The following SLC22A3 variants were observed in gnomAD, a reference collection of about 807,000 sequenced individuals.
The protein encoded by SLC22A3 is solute carrier family 22 member 3.
SLC22A3 carries 51 observed loss-of-function variants against 59.1 expected under a neutral mutation model. That is an observed-to-expected ratio of 0.86 (90% CI 0.69 to 1.09). SLC22A3 has a LOEUF of 1.09. SLC22A3 is among the 50% of genes least tolerant of loss of function. The pLI, the probability that SLC22A3 is intolerant of heterozygous loss-of-function variation, is 0.00. For missense variants in SLC22A3, 711 were observed against 726.3 expected, an observed-to-expected ratio of 0.98 and a Z score of 0.24; for synonymous variants, 325 against 292.0, an observed-to-expected ratio of 1.11 and a Z score of -1.15.
intron 1 of SLC22A3, among the ~76,000 whole-genome samples, chr6:160,364,561 C>T (rs1423050206): frequency 1.3e-5 from 2 of 152,140 alleles, no homozygotes; most frequent in East Asian, 1.9e-4. Flanking sequence ...GGCACCAAAT[C>T]GTTTCTCAGT....
At chr6:160,361,984 G>T (rs1358727797) in intron 1 of SLC22A3, among the ~76,000 whole-genome samples, 1 of 152,152 alleles carries the variant, frequency 6.6e-6, no homozygotes, top group Non-Finnish European at 1.5e-5. Context: ...GTAACCTGTG[G>T]CATGTTACTG....
intron 1 of SLC22A3, among the ~76,000 whole-genome samples, chr6:160,355,187 A>T (rs979710222): frequency 6.6e-6 from 1 of 152,082 alleles, no homozygotes; most frequent in Non-Finnish European, 1.5e-5. Flanking sequence ...GGCTGCTCTG[A>T]CTCATACAGC....
At chr6:160,430,934 G>C (rs571178996) in intron 5 of SLC22A3, among the ~76,000 whole-genome samples, 163 of 152,264 alleles carry the variant, frequency 1.1e-3, no homozygotes, top group Non-Finnish European at 1.7e-3. Context: ...AGCCCAGAGT[G>C]GGGGGAGGGG....
chr6:160,425,498 C>T (rs1156276537), intron 5 of SLC22A3, among the ~76,000 whole-genome samples: 1 of 152,150 alleles, frequency 6.6e-6, no homozygotes, highest in East Asian at 1.9e-4. Flanking sequence ...CTCTAATCCT[C>T]TATAATTGCT....
At chr6:160,416,930 C>T (rs1205170736) in intron 5 of SLC22A3, among the ~76,000 whole-genome samples, 3 of 152,218 alleles carry the variant, frequency 2.0e-5, no homozygotes, top group East Asian at 3.8e-4. Flanking sequence ...AGAGTGTCCA[C>T]ACTTCTGGTG....
intron 1 of SLC22A3, among the ~76,000 whole-genome samples, chr6:160,368,311 A>G (rs190588375): frequency 1.3e-5 from 2 of 152,254 alleles, no homozygotes; most frequent in East Asian, 3.9e-4. Context: ...GAAGAGTTAT[A>G]ATACTGCCCC....
chr6:160,389,155 A>G (rs1419767294), intron 1 of SLC22A3, among the ~76,000 whole-genome samples: 3 of 152,188 alleles, frequency 2.0e-5, no homozygotes, highest in African/African-American at 4.8e-5. Context: ...ATGATGAAAT[A>G]TCTCGTATAG....
chr6:160,408,475 G>A (rs756832837), intron 3 of SLC22A3, among the ~76,000 whole-genome samples: 4 of 152,086 alleles, frequency 2.6e-5, no homozygotes, highest in Non-Finnish European at 2.9e-5. Flanking sequence ...GATATTCTTC[G>A]TATTTCCCTA....
intron 7 of SLC22A3, among the ~76,000 whole-genome samples, chr6:160,438,543 C>T (rs1249767777): frequency 6.6e-6 from 1 of 151,852 alleles, no homozygotes; most frequent in Non-Finnish European, 1.5e-5. Flanking sequence ...GAGGTAGGCC[C>T]TATTTGAATA....
intron 9 of SLC22A3, among the ~76,000 whole-genome samples, chr6:160,446,094 T>G (rs1788732417): frequency 6.6e-6 from 1 of 150,954 alleles, no homozygotes; most frequent in Non-Finnish European, 1.5e-5. Flanking sequence ...GGAGAGGAGG[T>G]GGCCAAGGAA....
chr6:160,377,051 A>G (rs1785622101), intron 1 of SLC22A3, among the ~76,000 whole-genome samples: 1 of 152,152 alleles, frequency 6.6e-6, no homozygotes, highest in Non-Finnish European at 1.5e-5. Context: ...TTGGTATGCT[A>G]AAGAATTTGG....
chr6:160,349,203 T>G, intron 1 of SLC22A3: 1 of 476,332 alleles, frequency 2.1e-6, no homozygotes, highest in African/African-American at 2.1e-5. Flanking sequence ...GGCGCCGTCA[T>G]TGGAAATTAT....
Position 160,407,044 on chromosome 6 carries a change from T to C in SLC22A3, c.537T>C (p.Tyr179=), listed in dbSNP as rs147281972. Residue 179 remains tyrosine (Y), a synonymous_variant, in exon 3 of 11, where the codon TAT becomes TAC. Coordinates refer to ENST00000275300, the MANE Select transcript of SLC22A3 (RefSeq NM_021977.4). ...AFTLGYAADR[Y]GRIVIYLLSC... ...TTTTCCTGTCTTTCTCAAAAAGGTA[T>C]GGCAGGATCGTCATTTACTTGCTAT... 7.6e-4 allele frequency: 1,226 copies of C among 1,613,190 alleles called. 21 individuals are homozygous for C. The South Asian group carries it at 0.012, about 16-fold the overall frequency.
intron 5 of SLC22A3, among the ~76,000 whole-genome samples, chr6:160,421,305 T>C (rs1276765212): frequency 6.6e-6 from 1 of 152,196 alleles, no homozygotes; most frequent in African/African-American, 2.4e-5. Flanking sequence ...CAAAGCCCTT[T>C]CCTTTCTCAC....
chr6:160,396,476 G>T (rs980673879), intron 1 of SLC22A3, among the ~76,000 whole-genome samples: 4 of 152,078 alleles, frequency 2.6e-5, no homozygotes, highest in Admixed American at 2.6e-4. Flanking sequence ...TGAGAAGGAG[G>T]TTAAAGAATT....
chr6:160,402,366 C>G (rs1041054665), intron 2 of SLC22A3, among the ~76,000 whole-genome samples: 5 of 151,704 alleles, frequency 3.3e-5, no homozygotes, highest in Admixed American at 1.3e-4. Context: ...TGTTTAGTAG[C>G]AGAGCACAAA....
intron 5 of SLC22A3, among the ~76,000 whole-genome samples, chr6:160,430,024 C>T (rs1038209245): frequency 6.6e-6 from 1 of 151,874 alleles, no homozygotes; most frequent in South Asian, 2.1e-4. Flanking sequence ...ATGTTGACAG[C>T]CTCTGTTACT....
chr6:160,370,348 T>C (rs1785356631), intron 1 of SLC22A3, among the ~76,000 whole-genome samples: 1 of 152,222 alleles, frequency 6.6e-6, no homozygotes. Flanking sequence ...CTCAAGGACA[T>C]CAACTCTTGT....
intron 5 of SLC22A3, among the ~76,000 whole-genome samples, chr6:160,428,676 C>T (rs1232199376): frequency 6.6e-6 from 1 of 152,148 alleles, no homozygotes; most frequent in African/African-American, 2.4e-5. Context: ...TAAATGTACT[C>T]GTGTGGCTCA....
Sources: gnomAD v4.1 joint callset for allele counts (sites outside exome capture counted in the v4.1 genomes callset) on GRCh38, gnomAD v4.1.1 for gene constraint, MANE v1.5 for transcripts, NCBI Gene and HGNC (gene_info 2026-07-23, HGNC 2026-07-21) for gene names.